The following CREB5 variants were observed in gnomAD, a reference collection of about 807,000 sequenced individuals.
The protein encoded by CREB5 is cyclic AMP-responsive element-binding protein 5.
Under a neutral mutation model 57.1 loss-of-function variants are expected in CREB5, and 19 were observed. That is an observed-to-expected ratio of 0.33 (90% CI 0.23 to 0.49). The LOEUF (loss-of-function observed/expected upper bound fraction) is 0.49, where lower values mean the gene tolerates loss of function less well. CREB5 is among the 20% of genes least tolerant of loss of function. The pLI is 0.99. For synonymous variants in CREB5, 238 were observed against 238.3 expected, an observed-to-expected ratio of 1.00 and a Z score of 0.01; for missense variants, 579 against 671.6, an observed-to-expected ratio of 0.86 and a Z score of 1.52.
intron 5 of CREB5, among the ~76,000 whole-genome samples, chr7:28,646,611 A>G (rs1174883672): frequency 6.6e-6 from 1 of 152,324 alleles, no homozygotes; most frequent in African/African-American, 2.4e-5. Flanking sequence ...CCATGACAGC[A>G]TTAACCAAGG....
chr7:28,570,271 A>T, intron 4 of CREB5, 94 bp from the exon 5 acceptor site: 1 of 1,349,522 alleles, frequency 7.4e-7, no homozygotes, highest in East Asian at 2.3e-5. Flanking sequence ...TGTAGTTGAC[A>T]TGACTAGATT....
At chr7:28,767,276 C>A (rs1016832393) in intron 7 of CREB5, among the ~76,000 whole-genome samples, 5 of 152,034 alleles carry the variant, frequency 3.3e-5, no homozygotes, top group Non-Finnish European at 7.4e-5. Context: ...ATTATGTGTA[C>A]CAGACTGGGC....
chr7:28,739,089 T>C (rs1583646366), intron 7 of CREB5, among the ~76,000 whole-genome samples: 1 of 152,226 alleles, frequency 6.6e-6, no homozygotes. Context: ...GCTCCTAATC[T>C]ACCTTCATAC....
intron 9 of CREB5, among the ~76,000 whole-genome samples, chr7:28,815,956 CA>C (rs1809413027): frequency 6.6e-6 from 1 of 152,202 alleles, no homozygotes; most frequent in East Asian, 1.9e-4. Context: ...AGCTTCTACT[CA>C]GGGGGCAAGG....
intron 5 of CREB5, among the ~76,000 whole-genome samples, chr7:28,709,798 C>T (rs1802313860): frequency 6.6e-6 from 1 of 152,182 alleles, no homozygotes; most frequent in Non-Finnish European, 1.5e-5. Flanking sequence ...AAATTTACCT[C>T]GTGTGGTAAA....
At chr7:28,426,753 A>T (rs552589063) in intron 1 of CREB5, among the ~76,000 whole-genome samples, 1 of 150,816 alleles carries the variant, frequency 6.6e-6, no homozygotes, top group Non-Finnish European at 1.5e-5. Flanking sequence ...CGTATCTTCT[A>T]TTGTGATTAT....
At chr7:28,682,588 C>T (rs1237367427) in intron 5 of CREB5, among the ~76,000 whole-genome samples, 3 of 151,712 alleles carry the variant, frequency 2.0e-5, no homozygotes, top group African/African-American at 7.3e-5. Flanking sequence ...CAAACTCCAC[C>T]GGGACTGTAG....
At chr7:28,676,776 G>A (rs569179773) in intron 5 of CREB5, among the ~76,000 whole-genome samples, 1 of 152,156 alleles carries the variant, frequency 6.6e-6, no homozygotes, top group Non-Finnish European at 1.5e-5. Flanking sequence ...GTTACCACTG[G>A]TATCCCTTCC....
intron 5 of CREB5, among the ~76,000 whole-genome samples, chr7:28,618,519 C>A (rs974137457): frequency 2.0e-5 from 3 of 152,218 alleles, no homozygotes; most frequent in Non-Finnish European, 2.9e-5. Context: ...GCCACCCACA[C>A]AGTAAACAGT....
At chr7:28,340,996 G>C (rs1221493283) in intron 1 of CREB5, among the ~76,000 whole-genome samples, 1 of 152,146 alleles carries the variant, frequency 6.6e-6, no homozygotes, top group Non-Finnish European at 1.5e-5. Context: ...GCTACTGCTG[G>C]GGGATGGGGA....
At chr7:28,547,117 A>G (rs1794451925) in intron 4 of CREB5, among the ~76,000 whole-genome samples, 2 of 152,244 alleles carry the variant, frequency 1.3e-5, no homozygotes. Context: ...CCTGGGTCCC[A>G]CAAATGTTAT....
upstream of CREB5, chr7:28,409,481 T>C (rs1053235837): frequency 1.9e-5 from 3 of 159,846 alleles, no homozygotes; most frequent in Non-Finnish European, 4.1e-5. The surrounding 1 kb of genome is among the most constrained non-coding windows in gnomAD (Gnocchi z 4.4). Flanking sequence ...TAGCCACTTT[T>C]GTTGCACTTG....
rs13245582 is a variant in CREB5, at chr7:28,560,899, T to C, written c.292-9466T>C. Among the ~76,000 whole-genome samples the C allele has an allele frequency of 5.1e-3, 96 of 18,648 alleles. 9 individuals carry two copies. The highest frequency in any genetic ancestry group is 0.015 in the South Asian group (5 of 336). 12.2% of individuals were successfully genotyped at this position (18,648 alleles called of 152,430 possible). A position where few individuals can be genotyped will look rare whatever the true frequency, so the allele number is the denominator to read the frequency against. On this transcript the variant is annotated intron_variant, in intron 4 of 10. Coordinates refer to ENST00000357727, the MANE Select transcript of CREB5 (RefSeq NM_182898.4). ...GCGTGCGTGCGTGCGTGTGTGTGCGTGCGCGCGTGCGTGTGCGTGTGTGCG... is the reference window on the plus strand; with the variant it reads ...GCGTGCGTGCGTGCGTGTGTGTGCGCGCGCGCGTGCGTGTGCGTGTGTGCG...
intron 5 of CREB5, among the ~76,000 whole-genome samples, chr7:28,621,220 A>G (rs913528077): frequency 6.6e-6 from 1 of 152,124 alleles, no homozygotes; most frequent in Non-Finnish European, 1.5e-5. Flanking sequence ...GGGCATCCAC[A>G]TCTCTGGTAG....
At chr7:28,576,348 A>G (rs868686461) in intron 5 of CREB5, among the ~76,000 whole-genome samples, 1 of 152,254 alleles carries the variant, frequency 6.6e-6, no homozygotes, top group African/African-American at 2.4e-5. Flanking sequence ...TCAGAGAGGT[A>G]GCTGTTATTT....
intron 1 of CREB5, among the ~76,000 whole-genome samples, chr7:28,348,228 G>A (rs1300281956): frequency 6.6e-6 from 1 of 152,118 alleles, no homozygotes; most frequent in Non-Finnish European, 1.5e-5. Flanking sequence ...TGTGACTCAG[G>A]GAGAACAACG....
At chr7:28,806,142 T>G (rs1397808928) in intron 8 of CREB5, among the ~76,000 whole-genome samples, 2 of 152,198 alleles carry the variant, frequency 1.3e-5, no homozygotes, top group African/African-American at 2.4e-5. Context: ...TATATAACAA[T>G]TCTTTGAATA....
chr7:28,650,112 A>AC (rs1799066751), intron 5 of CREB5, among the ~76,000 whole-genome samples: 1 of 152,198 alleles, frequency 6.6e-6, no homozygotes, highest in East Asian at 1.9e-4. Context: ...TCTGCTAATC[A>AC]CTGTTATACT....
intron 1 of CREB5, among the ~76,000 whole-genome samples, chr7:28,317,786 T>C (rs750808569): frequency 6.6e-6 from 1 of 152,218 alleles, no homozygotes; most frequent in Non-Finnish European, 1.5e-5. Context: ...GTTCCGTACA[T>C]GTCAGGCTAA....
Sources: allele counts gnomAD v4.1 joint callset (sites outside exome capture counted in the v4.1 genomes callset), GRCh38; gene constraint gnomAD v4.1.1; non-coding constraint Gnocchi (gnomAD v3.1); transcripts MANE v1.5; gene names NCBI Gene and HGNC (gene_info 2026-07-23, HGNC 2026-07-21).